The following IL1RAPL1 variants were observed in gnomAD, a reference collection of about 807,000 sequenced individuals.
IL1RAPL1 encodes interleukin-1 receptor accessory protein-like 1.
IL1RAPL1 carries 3 observed loss-of-function variants against 48.4 expected under a neutral mutation model. The observed-to-expected ratio is 0.06, with a 90% CI of 0.03 to 0.16. IL1RAPL1 has a LOEUF of 0.16. Among genes scored for constraint, IL1RAPL1 ranks in the 10% least tolerant of loss-of-function variants. The pLI, the probability that IL1RAPL1 is intolerant of heterozygous loss-of-function variation, is 1.00. For synonymous variants in IL1RAPL1, 185 were observed against 187.7 expected, an observed-to-expected ratio of 0.99 and a Z score of 0.12; for missense variants, 349 against 530.6, an observed-to-expected ratio of 0.66 and a Z score of 3.36.
intron 2 of IL1RAPL1, among the ~76,000 whole-genome samples, chrX:29,267,557 C>G (rs1319937176): frequency 9.0e-6 from 1 of 111,540 alleles, no homozygotes; most frequent in African/African-American, 3.3e-5. Flanking sequence ...AGTATCATTT[C>G]TGAGCTGCGT....
chrX:29,914,940 C>A (rs1275735516), intron 6 of IL1RAPL1, among the ~76,000 whole-genome samples: 1 of 112,104 alleles, frequency 8.9e-6, no homozygotes, highest in Non-Finnish European at 1.9e-5. Flanking sequence ...CTCAGTTTGC[C>A]TCTTAAAAGT....
chrX:29,133,338 C>T (rs769967336), intron 2 of IL1RAPL1, among the ~76,000 whole-genome samples: 26 of 112,217 alleles, frequency 2.3e-4, no homozygotes, highest in African/African-American at 8.1e-4. Flanking sequence ...GAAGGGAAAA[C>T]TTGTACATAG....
At chrX:29,411,689 G>T (rs1934145297) in intron 5 of IL1RAPL1, among the ~76,000 whole-genome samples, 2 of 96,240 alleles carry the variant, frequency 2.1e-5, no homozygotes, top group African/African-American at 3.9e-5. Context: ...TTACCTCATT[G>T]TTAAAGAAAC....
intron 3 of IL1RAPL1, among the ~76,000 whole-genome samples, chrX:29,328,625 A>T (rs1932857864): frequency 2.0e-5 from 2 of 100,495 alleles, no homozygotes; most frequent in African/African-American, 8.3e-5. Context: ...CAAATAAATT[A>T]TATATGTATA....
chrX:29,489,320 A>G (rs1438238227), intron 5 of IL1RAPL1, among the ~76,000 whole-genome samples: 1 of 111,647 alleles, frequency 9.0e-6, no homozygotes, highest in Non-Finnish European at 1.9e-5. Flanking sequence ...TGTCCATTAC[A>G]TTTTGGTAAA....
At position 28,846,139 on chromosome X, in the gene IL1RAPL1, C is replaced by T. The variant is rs377041976; in HGVS notation, c.82+56714C>T. On this transcript the variant is annotated intron_variant, in intron 2 of 10. Transcript: ENST00000378993. ...ATATTTTCCTGTCTCCACAGTTGTGCCTTTTCCAGAATGTCATATAGTTGG... is the reference window on the plus strand; with the variant it reads ...ATATTTTCCTGTCTCCACAGTTGTGTCTTTTCCAGAATGTCATATAGTTGG... Among the ~76,000 whole-genome samples, 14 of 112,230 alleles carry T rather than the reference C, an allele frequency of 1.2e-4. No individual in the cohort carries two copies. The South Asian group carries it at 4.8e-3, about 38-fold the overall frequency.
Position 29,399,141 on chromosome X carries a change from T to C in IL1RAPL1, c.550-14T>C, listed in dbSNP as rs375905905. 9 of 1,183,048 alleles carry C rather than the reference T, an allele frequency of 7.6e-6. No individual in the cohort carries two copies. The highest frequency in any genetic ancestry group is 3.0e-5 in the East Asian group (1 of 33,588). On this transcript the variant is annotated splice_polypyrimidine_tract_variant and intron_variant, in intron 4 of 10. Transcript: ENST00000378993. ...TACTATATGTACTACCAAAATTGTA[T>C]GTTCTTCATATAGGAATGCAGGACA...
chrX:29,165,126 C>T (rs760087116), intron 2 of IL1RAPL1, among the ~76,000 whole-genome samples: 1 of 112,004 alleles, frequency 8.9e-6, no homozygotes, highest in East Asian at 2.8e-4. Context: ...TGAGAACAGC[C>T]TGGCCAATGA....
chrX:28,598,649 T>C (rs1304472200), intron 1 of IL1RAPL1, among the ~76,000 whole-genome samples: 1 of 101,380 alleles, frequency 9.9e-6, no homozygotes, highest in African/African-American at 3.6e-5. Flanking sequence ...TTTTTTGAGA[T>C]GGAGTTTCGC....
intron 8 of IL1RAPL1, among the ~76,000 whole-genome samples, chrX:29,925,894 G>T (rs1400481619): frequency 8.9e-6 from 1 of 112,233 alleles, no homozygotes; most frequent in Non-Finnish European, 1.9e-5. Context: ...TGCCACCAAA[G>T]TTGCAGACAT....
At chrX:29,218,744 T>G (rs998009955) in intron 2 of IL1RAPL1, among the ~76,000 whole-genome samples, 3 of 112,208 alleles carry the variant, frequency 2.7e-5, no homozygotes, top group Non-Finnish European at 5.6e-5. Flanking sequence ...CAAAGAATAT[T>G]GAAGCATATT....
intron 2 of IL1RAPL1, among the ~76,000 whole-genome samples, chrX:29,185,181 G>T (rs758672970): frequency 2.7e-5 from 3 of 112,557 alleles, no homozygotes; most frequent in Non-Finnish European, 5.6e-5. Context: ...TTTTTGTCAA[G>T]TGAATCACTA....
At chrX:29,504,922 A>G (rs377336325) in intron 5 of IL1RAPL1, among the ~76,000 whole-genome samples, 6 of 110,211 alleles carry the variant, frequency 5.4e-5, no homozygotes, top group African/African-American at 9.9e-5. Flanking sequence ...TTCCTTTCCT[A>G]TTGTCTTCCT....
intron 2 of IL1RAPL1, among the ~76,000 whole-genome samples, chrX:28,893,439 C>T (rs891316379): frequency 9.0e-6 from 1 of 111,343 alleles, no homozygotes; most frequent in Non-Finnish European, 1.9e-5. Flanking sequence ...GCCAAACCCA[C>T]GAATTATGTC....
At chrX:29,375,804 AG>A (rs1933614941) in intron 3 of IL1RAPL1, among the ~76,000 whole-genome samples, 1 of 112,316 alleles carries the variant, frequency 8.9e-6, no homozygotes, top group Non-Finnish European at 1.9e-5. Context: ...GTGTGTTTTC[AG>A]GAATTTATCC....
intron 6 of IL1RAPL1, among the ~76,000 whole-genome samples, chrX:29,682,387 C>T (rs1388498806): frequency 9.0e-6 from 1 of 110,788 alleles, no homozygotes; most frequent in Non-Finnish European, 1.9e-5. Flanking sequence ...ATGCTATGCC[C>T]ACCACCTGAA....
intron 6 of IL1RAPL1, among the ~76,000 whole-genome samples, chrX:29,682,510 TA>T (rs1569144953): frequency 8.9e-6 from 1 of 111,784 alleles, no homozygotes; most frequent in Non-Finnish European, 1.9e-5. Flanking sequence ...CAGAATTAAA[TA>T]CCACCTCTCA....
chrX:29,405,963 G>C lies in IL1RAPL1; in HGVS notation c.703+6655G>C, dbSNP rs1016004058. Among the ~76,000 whole-genome samples, 3 of 109,791 alleles carry C rather than the reference G, an allele frequency of 2.7e-5. No individual in the cohort carries two copies. In the Admixed American group the frequency reaches 2.9e-4, roughly 11 times the overall value. On this transcript the variant is annotated intron_variant, in intron 5 of 10. Coordinates refer to ENST00000378993, the MANE Select transcript of IL1RAPL1 (RefSeq NM_014271.4). ...GTTTTTATCATTCATTTTTCTCTTT[G>C]CATGTCAGTTGATAAAGTTCTACTG...
In IL1RAPL1 at chrX:29,532,842, G is replaced by A. The variant is rs189211634; in HGVS notation, c.703+133534G>A. On this transcript the variant is annotated intron_variant, in intron 5 of 10. Coordinates refer to ENST00000378993, the MANE Select transcript of IL1RAPL1 (RefSeq NM_014271.4). ...CTTACTTAACTTGCAGTAAGGTGAA[G>A]CACCTCTCTTCCCTACCCCATTGAC... Among the ~76,000 whole-genome samples the A allele has an allele frequency of 9.8e-5, 11 of 111,829 alleles. No homozygotes were observed. In the East Asian group the frequency reaches 3.1e-3, roughly 32 times the overall value.
Sources: gnomAD v4.1 joint callset for allele counts (sites outside exome capture counted in the v4.1 genomes callset) on GRCh38, gnomAD v4.1.1 for gene constraint, MANE v1.5 for transcripts, NCBI Gene and HGNC (gene_info 2026-07-23, HGNC 2026-07-21) for gene names.